The following RPH3AL variants were observed in gnomAD, a reference collection of about 807,000 sequenced individuals.
RPH3AL encodes the protein rabphilin 3A like (without C2 domains), also known as rab effector Noc2.
A neutral mutation model predicts 43.1 loss-of-function variants in RPH3AL; 38 were observed. The ratio of observed to expected loss-of-function variants is 0.88; its 90% CI spans 0.68 to 1.15. The LOEUF is 1.15. Ranked by LOEUF, RPH3AL falls within the 50% of genes most tolerant of loss-of-function variation. The pLI, the probability that RPH3AL is intolerant of heterozygous loss-of-function variation, is 0.00. For missense variants in RPH3AL, 462 were observed against 423.2 expected, an observed-to-expected ratio of 1.09 and a Z score of -0.81; for synonymous variants, 189 against 176.3, an observed-to-expected ratio of 1.07 and a Z score of -0.57.
intron 6 of RPH3AL, among the ~76,000 whole-genome samples, chr17:278,653 C>T (rs2042713295): frequency 6.6e-6 from 1 of 152,148 alleles, no homozygotes; most frequent in Non-Finnish European, 1.5e-5. Flanking sequence ...GTGTCCCCAG[C>T]ACCCCTTCTC....
chr17:347,734 C>G (rs1275659450), intron 1 of RPH3AL, among the ~76,000 whole-genome samples: 2 of 152,128 alleles, frequency 1.3e-5, no homozygotes, highest in Non-Finnish European at 2.9e-5. Flanking sequence ...TATTCAAGAA[C>G]CGGCACACTC....
At chr17:324,080 C>A (rs1210712102) in intron 3 of RPH3AL, among the ~76,000 whole-genome samples, 1 of 152,204 alleles carries the variant, frequency 6.6e-6, no homozygotes, top group Non-Finnish European at 1.5e-5. Flanking sequence ...CAGGCCCGGA[C>A]CCTGAGGCAC....
intron 2 of RPH3AL, chr17:332,964 G>A (rs2044828614): frequency 2.4e-6 from 3 of 1,246,232 alleles, no homozygotes; most frequent in Admixed American, 2.3e-5. Flanking sequence ...AGTTGCCGGT[G>A]ATAATTTCCC....
At chr17:233,754 C>T (rs985579119) in intron 7 of RPH3AL, among the ~76,000 whole-genome samples, 4 of 152,174 alleles carry the variant, frequency 2.6e-5, no homozygotes, top group East Asian at 1.9e-4. Context: ...AACACTGCAA[C>T]GGTGATGCTG....
intron 1 of RPH3AL, among the ~76,000 whole-genome samples, chr17:337,404 C>T (rs2044988433): frequency 1.3e-5 from 2 of 152,250 alleles, no homozygotes; most frequent in Non-Finnish European, 1.5e-5. Flanking sequence ...CCCAGCCTGC[C>T]AACAAAATTT....
In RPH3AL at chr17:245,401, G is replaced by A. The variant is rs1028175933; in HGVS notation, c.613+1710C>T. Among the ~76,000 whole-genome samples the A allele has an allele frequency of 7.4e-6, 1 of 135,490 alleles. No homozygotes were observed. The allele number at this position is 135,490 out of a possible 152,430, so 88.9% of individuals were successfully genotyped here. A position where few individuals can be genotyped will look rare whatever the true frequency, so the allele number is the denominator to read the frequency against. On this transcript the variant is annotated intron_variant, in intron 7 of 9. Coordinates refer to ENST00000331302, the MANE Select transcript of RPH3AL (RefSeq NM_006987.4). The surrounding 1 kb of genome is among the most constrained non-coding windows in gnomAD (Gnocchi z 5.9). Reference sequence around the variant, plus strand: ...GATGTCAGTGTGTGTGTGGATATCAGTGTGTGTGTGTGCATGGTGATGTGT... The same window carrying A: ...GATGTCAGTGTGTGTGTGGATATCAATGTGTGTGTGTGCATGGTGATGTGT...
intron 7 of RPH3AL, among the ~76,000 whole-genome samples, chr17:226,848 A>T (rs907882620): frequency 2.0e-5 from 3 of 152,226 alleles, no homozygotes; most frequent in African/African-American, 7.2e-5. Flanking sequence ...TTGCTCTTCC[A>T]TCCTCAACAT....
At position 274,621 on chromosome 17, in the gene RPH3AL, C is replaced by T. The variant is rs527955876; in HGVS notation, c.438+7147G>A. The stretch of plus-strand genomic sequence containing the variant: ...GCCAGGGGCTGCGGTCCCTCGTCCT[C>T]CCTGGTTCCGACGGGCCAGGTCGCA... On this transcript the variant is annotated intron_variant, in intron 6 of 9. Coordinates refer to ENST00000331302, the MANE Select transcript of RPH3AL (RefSeq NM_006987.4). This position sits in a 1 kb window ranked among gnomAD's most constrained non-coding sequence, Gnocchi z 4.7. Among the ~76,000 whole-genome samples the T allele has an allele frequency of 6.6e-5, 10 of 152,298 alleles. No homozygotes were observed. The highest frequency in any genetic ancestry group is 1.9e-4 in the African/African-American group (8 of 41,570).
rs1370697041 is a variant in RPH3AL, at chr17:307,347, G to A, written c.351+12073C>T. On this transcript the variant is annotated intron_variant, in intron 5 of 9. Coordinates refer to ENST00000331302, the MANE Select transcript of RPH3AL (RefSeq NM_006987.4). ...GTCCTCCCCACGGCAGGTCCTCCCC[G>A]CGGCAGGTCCATCCTACGGCAGGTC... Among the ~76,000 whole-genome samples, 75 of 55,108 alleles carry A rather than the reference G, an allele frequency of 1.4e-3. 2 individuals carry two copies. The highest frequency in any genetic ancestry group is 4.4e-3 in the African/African-American group (66 of 14,916). 36.2% of individuals were successfully genotyped at this position (55,108 alleles called of 152,430 possible). A position where few individuals can be genotyped will look rare whatever the true frequency, so the allele number is the denominator to read the frequency against.
chr17:335,811 C>T (rs1326776193), intron 1 of RPH3AL: 2 of 152,278 alleles, frequency 1.3e-5, no homozygotes, highest in African/African-American at 4.8e-5. Flanking sequence ...CAGGTGGCGC[C>T]TGCAGGGCTG....
chr17:343,495 C>T (rs2045170382), intron 1 of RPH3AL, among the ~76,000 whole-genome samples: 2 of 152,158 alleles, frequency 1.3e-5, no homozygotes, highest in South Asian at 2.1e-4. Context: ...GGTCTGGGCT[C>T]AGGGTCGCGT....
At chr17:284,687 G>T (rs778687584) in intron 5 of RPH3AL, among the ~76,000 whole-genome samples, 2 of 152,136 alleles carry the variant, frequency 1.3e-5, no homozygotes, top group Non-Finnish European at 2.9e-5. Flanking sequence ...CTCCCCCGGG[G>T]GCCGCCTTCC....
chr17:303,104 C>A lies in RPH3AL; in HGVS notation c.351+16316G>T, dbSNP rs138353229. On this transcript the variant is annotated intron_variant, in intron 5 of 9. Transcript: ENST00000331302. ...TGAGGTTTACAAAGTTAAGAACTAA[C>A]AACGTAACTGTATCGTTAAGGTTGG... Among the ~76,000 whole-genome samples, 69 of 152,330 alleles carry A rather than the reference C, an allele frequency of 4.5e-4. 1 individual carries two copies. The South Asian group carries it at 7.5e-3, about 16-fold the overall frequency.
intron 6 of RPH3AL, among the ~76,000 whole-genome samples, chr17:281,180 T>A (rs1436139722): frequency 2.0e-5 from 3 of 152,074 alleles, no homozygotes; most frequent in Non-Finnish European, 1.5e-5. Context: ...ACCATAGAAC[T>A]GTAGCAGCAG....
At chr17:310,207 CTAAT>C (rs1209263998) in intron 5 of RPH3AL, among the ~76,000 whole-genome samples, 2 of 152,140 alleles carry the variant, frequency 1.3e-5, no homozygotes, top group African/African-American at 4.8e-5. Context: ...CCAGTCCTCT[CTAAT>C]TAACCAGCCA....
Position 247,196 on chromosome 17 carries a change from G to A in RPH3AL, c.528C>T (p.His176=), listed in dbSNP as rs1555540442. ...LKTPGRADDP[H]FRPLPTEPAE... The stretch of plus-strand genomic sequence containing the variant: ...CCGGTTCCGTGGGCAAAGGTCGGAA[G>A]TGGGGGTCATCAGCTCGGCCAGGGG... Residue 176 remains histidine (H), a synonymous_variant, in exon 7 of 10, where the codon CAC becomes CAT. Coordinates refer to ENST00000331302, the MANE Select transcript of RPH3AL (RefSeq NM_006987.4). 3 of 1,614,134 alleles carry A rather than the reference G, an allele frequency of 1.9e-6. No homozygotes were observed. Among genetic ancestry groups the A allele is most frequent in the Non-Finnish European group, 2.5e-6 (3 of 1,180,002 alleles).
At chr17:282,020 C>G (rs1010379114) in intron 5 of RPH3AL, among the ~76,000 whole-genome samples, 166 bp from the exon 6 acceptor site, 1 of 152,174 alleles carries the variant, frequency 6.6e-6, no homozygotes, top group African/African-American at 2.4e-5. Flanking sequence ...TCTAAAAATC[C>G]TTAGTTGGCT....
At chr17:315,567 C>T (rs2043993338) in intron 5 of RPH3AL, among the ~76,000 whole-genome samples, 2 of 152,214 alleles carry the variant, frequency 1.3e-5, no homozygotes, top group African/African-American at 4.8e-5. Context: ...CCCTGTGCCC[C>T]ACCTCCATTG....
intron 5 of RPH3AL, among the ~76,000 whole-genome samples, chr17:309,107 G>C (rs560153943): frequency 3.3e-5 from 5 of 152,108 alleles, no homozygotes; most frequent in Non-Finnish European, 4.4e-5. Flanking sequence ...GACCAGCCTG[G>C]GCAACATAGC....
Sources: allele counts gnomAD v4.1 joint callset (sites outside exome capture counted in the v4.1 genomes callset), GRCh38; gene constraint gnomAD v4.1.1; non-coding constraint Gnocchi (gnomAD v3.1); transcripts MANE v1.5; gene names NCBI Gene and HGNC (gene_info 2026-07-23, HGNC 2026-07-21).